SCN8A: variants seen among roughly 807,000 people sequenced by gnomAD.
The protein encoded by SCN8A is sodium voltage-gated channel alpha subunit 8.
In SCN8A, 30 loss-of-function variants were observed where a neutral mutation model predicts 184.1. That is an observed-to-expected ratio of 0.16 (90% confidence interval 0.12 to 0.22). The LOEUF (loss-of-function observed/expected upper bound fraction) is 0.22. Ranked by LOEUF, SCN8A falls within the 10% of genes least tolerant of loss-of-function variation. SCN8A has a pLI of 1.00. For missense variants in SCN8A, 1,057 were observed against 2,498.9 expected, an observed-to-expected ratio of 0.42 and a Z score of 12.30; for synonymous variants, 852 against 907.0, an observed-to-expected ratio of 0.94 and a Z score of 1.09.
intron 12 of SCN8A, among the ~76,000 whole-genome samples, chr12:51,737,896 G>A (rs1335461864): frequency 1.3e-5 from 2 of 152,124 alleles, no homozygotes; most frequent in Non-Finnish European, 2.9e-5. Context: ...TCTTAATTAC[G>A]AAAACTGGAG....
At chr12:51,794,889 A>G (rs1215345517) in intron 26 of SCN8A, among the ~76,000 whole-genome samples, 7 of 152,150 alleles carry the variant, frequency 4.6e-5, no homozygotes, top group African/African-American at 1.4e-4. Context: ...AAAAAGAAAA[A>G]AAAAGAAGAT....
At chr12:51,665,930 C>G (rs1262803193) in intron 2 of SCN8A, among the ~76,000 whole-genome samples, 1 of 152,030 alleles carries the variant, frequency 6.6e-6, no homozygotes, top group Admixed American at 6.6e-5. Context: ...GGTATGGTGG[C>G]ACGGGCCTGT....
intron 26 of SCN8A, among the ~76,000 whole-genome samples, chr12:51,805,970 A>G (rs1938690123): frequency 6.6e-6 from 1 of 152,156 alleles, no homozygotes; most frequent in Non-Finnish European, 1.5e-5. Context: ...CTGGAATTAC[A>G]GATGTGCACC....
At chr12:51,705,139 T>A (rs977024572) in intron 9 of SCN8A, among the ~76,000 whole-genome samples, 2 of 152,162 alleles carry the variant, frequency 1.3e-5, no homozygotes, top group African/African-American at 2.4e-5. Context: ...AAACTTTTTT[T>A]ATGAAAGAAG....
intron 6 of SCN8A, among the ~76,000 whole-genome samples, chr12:51,696,344 A>T (rs1054338029): frequency 2.6e-5 from 4 of 152,228 alleles, no homozygotes; most frequent in Non-Finnish European, 5.9e-5. Context: ...GAAGCCTAGG[A>T]TTGAATTATT....
rs1454363768 is a variant in SCN8A, at chr12:51,686,348, G to A, written c.396-20G>A. 1.3e-6 allele frequency: 2 copies of A among 1,503,192 alleles called. No individual in the cohort carries two copies. Among genetic ancestry groups the A allele is most frequent in the African/African-American group, 2.8e-5 (2 of 72,628 alleles). 93.1% of individuals were successfully genotyped at this position (1,503,192 alleles called of 1,614,324 possible). On this transcript the variant is annotated intron_variant, in intron 3 of 26. Transcript: ENST00000627620. ...AAAAGGCAGGCCAGATTTTAATATT[G>A]CCCCTTGACTCTTCTCTACAGTATT...
chr12:51,661,121 T>C (rs1268526692), intron 1 of SCN8A, among the ~76,000 whole-genome samples: 3 of 152,222 alleles, frequency 2.0e-5, no homozygotes, highest in African/African-American at 7.2e-5. Flanking sequence ...CAGAGCATTT[T>C]GGTTGTGATT....
At chr12:51,663,386 G>A (rs192003768) in intron 2 of SCN8A, among the ~76,000 whole-genome samples, 1 of 152,156 alleles carries the variant, frequency 6.6e-6, no homozygotes, top group East Asian at 1.9e-4. Context: ...AGATGGGATA[G>A]TAAAAGATAG....
intron 1 of SCN8A, among the ~76,000 whole-genome samples, chr12:51,634,656 A>ATTTT (rs10639290): frequency 1.1e-4 from 15 of 136,644 alleles, no homozygotes; most frequent in African/African-American, 2.5e-4. Flanking sequence ...TATTATTATT[A>ATTTT]TTTTTTTTTT....
intron 11 of SCN8A, among the ~76,000 whole-genome samples, chr12:51,710,178 A>T (rs1342473561): frequency 6.6e-6 from 1 of 152,176 alleles, no homozygotes; most frequent in Non-Finnish European, 1.5e-5. Flanking sequence ...TTTACTAATT[A>T]AGTCCCAACT....
chr12:51,600,145 C>T (rs1939432817), intron 1 of SCN8A, among the ~76,000 whole-genome samples: 3 of 152,160 alleles, frequency 2.0e-5, no homozygotes, highest in African/African-American at 4.8e-5. Context: ...ATTATCTAAG[C>T]TCTCACTGAT....
chr12:51,754,343 A>G (rs1232503031), intron 14 of SCN8A, among the ~76,000 whole-genome samples: 6 of 149,390 alleles, frequency 4.0e-5, no homozygotes, highest in Non-Finnish European at 7.4e-5. Flanking sequence ...TTTTTTTACA[A>G]TAAAAGCCTT....
At chr12:51,706,945 G>A (rs377385597) in intron 11 of SCN8A, among the ~76,000 whole-genome samples, 2 of 152,020 alleles carry the variant, frequency 1.3e-5, no homozygotes, top group African/African-American at 4.8e-5. Flanking sequence ...TAGCTCCCAC[G>A]TATGAGTGAG....
chr12:51,668,444 A>G (rs772682805), intron 2 of SCN8A, among the ~76,000 whole-genome samples: 1 of 152,138 alleles, frequency 6.6e-6, no homozygotes, highest in Non-Finnish European at 1.5e-5. Flanking sequence ...TTATTACAAC[A>G]TATTTCTAGT....
At position 51,806,852 on chromosome 12, in the gene SCN8A, A is replaced by G. The variant is rs961205540; in HGVS notation, c.5366A>G (p.Tyr1789Cys). ...AGTGAGGATGACTTTGAGACCTTCTATGAGATCTGGGAGAAGTTCGACCCC... is the reference window on the plus strand; with the variant it reads ...AGTGAGGATGACTTTGAGACCTTCTGTGAGATCTGGGAGAAGTTCGACCCC... ...PLSEDDFETF[Y>C]EIWEKFDPDA... The change falls in exon 27 of 27, where the codon TAT (tyrosine) becomes TGT (cysteine). Residue 1789 changes from tyrosine (Y) to cysteine (C), a missense_variant. Coordinates refer to ENST00000627620, the MANE Select transcript of SCN8A (RefSeq NM_001330260.2). This position sits in a 1 kb window ranked among gnomAD's most constrained non-coding sequence, Gnocchi z 8.7. The G allele has an allele frequency of 1.9e-6, 3 of 1,614,106 alleles. No individual in the cohort carries two copies. Among genetic ancestry groups the G allele is most frequent in the African/African-American group, 1.3e-5 (1 of 75,048 alleles).
At chr12:51,736,028 T>C (rs1193448632) in intron 12 of SCN8A, among the ~76,000 whole-genome samples, 2 of 152,224 alleles carry the variant, frequency 1.3e-5, no homozygotes, top group East Asian at 1.9e-4. Flanking sequence ...TTAAAGTTAA[T>C]AATGCTAGGT....
chr12:51,684,061 G>A, intron 2 of SCN8A, 113 bp from the exon 3 acceptor site: 1 of 709,130 alleles, frequency 1.4e-6, no homozygotes, highest in East Asian at 2.6e-5. Flanking sequence ...AAGTTGGGAA[G>A]TAAAAAGTAT....
chr12:51,679,337 C>A (rs1941284866), intron 2 of SCN8A, among the ~76,000 whole-genome samples: 1 of 152,106 alleles, frequency 6.6e-6, no homozygotes, highest in African/African-American at 2.4e-5. Flanking sequence ...TTAGTGTATC[C>A]CCTGGGGCAG....
intron 1 of SCN8A, among the ~76,000 whole-genome samples, chr12:51,661,839 C>G (rs1940931056): frequency 6.6e-6 from 1 of 152,196 alleles, no homozygotes; most frequent in African/African-American, 2.4e-5. Context: ...ATCCAGGACT[C>G]TTATAAACAT....
Sources: allele counts gnomAD v4.1 joint callset (sites outside exome capture counted in the v4.1 genomes callset), GRCh38; gene constraint gnomAD v4.1.1; non-coding constraint Gnocchi (gnomAD v3.1); transcripts MANE v1.5; gene names NCBI Gene and HGNC (gene_info 2026-07-23, HGNC 2026-07-21).